Variants in CACNA1E observed in about 807,000 individuals in gnomAD.
CACNA1E encodes voltage-dependent R-type calcium channel subunit alpha-1E.
A neutral mutation model predicts 259.2 loss-of-function variants in CACNA1E; 40 were observed. The ratio of observed to expected loss-of-function variants is 0.15; its 90% CI spans 0.12 to 0.20. The LOEUF (loss-of-function observed/expected upper bound fraction) is 0.20, where lower values mean the gene tolerates loss of function less well. Among genes scored for constraint, CACNA1E ranks in the 10% least tolerant of loss-of-function variants. The probability of loss-of-function intolerance (pLI) is 1.00; values close to 1 mark genes in which losing one functional copy is unlikely to be tolerated. For synonymous variants in CACNA1E, 1,104 were observed against 1,138.5 expected (o/e 0.97, Z 0.61); for missense variants, 1,874 against 3,040.1 (o/e 0.62, Z 9.02).
intron 3 of CACNA1E, among the ~76,000 whole-genome samples, chr1:181,545,109 A>G (rs759136131): frequency 6.6e-6 from 1 of 152,142 alleles, no homozygotes; most frequent in African/African-American, 2.4e-5. Context: ...CCAAAAAAAA[A>G]AGTCTTGCTA....
At chr1:181,433,192 C>G (rs979903478) in intron 2 of CACNA1E, among the ~76,000 whole-genome samples, 1 of 152,324 alleles carries the variant, frequency 6.6e-6, no homozygotes, top group East Asian at 1.9e-4. Flanking sequence ...CTTGGCCTCT[C>G]TTTCCATCCC....
In CACNA1E at chr1:181,579,199, T is replaced by A; in HGVS notation, c.744T>A (p.His248Gln). The stretch of plus-strand genomic sequence containing the variant: ...TGGAGTTCTACAGTGGCAAGTTACA[T>A]CGAGCATGCTTCATGAACAATTCAG... ...IGLEFYSGKL[H>Q]RACFMNNSGI... is the part of the protein sequence containing the mutation. Residue 248 changes from histidine (H) to glutamine (Q), a missense_variant, in exon 5 of 48, where the codon CAT becomes CAA. This residue lies in a region of CACNA1E where 28 missense variants were observed against 64.6 expected (regional missense o/e 0.43). Coordinates refer to ENST00000367573, the MANE Select transcript of CACNA1E (RefSeq NM_001205293.3). 1 of 1,613,648 alleles carries A rather than the reference T, an allele frequency of 6.2e-7. No individual in the cohort carries two copies. Among genetic ancestry groups the A allele is most frequent in the South Asian group, 1.1e-5 (1 of 90,992 alleles).
chr1:181,373,698 C>A lies in CACNA1E; in HGVS notation c.-14-39435C>A, dbSNP rs139058998. Among the ~76,000 whole-genome samples, 656 of 152,082 alleles carry A rather than the reference C, an allele frequency of 4.3e-3. 5 individuals are homozygous for A. Among genetic ancestry groups the A allele is most frequent in the African/African-American group, 0.015 (621 of 41,526 alleles). ...GACTACAGGCGCCTGCCACTACGCC[C>A]GGCTAACTTTTTGTATTTTTAGTAG... On this transcript the variant is annotated intron_variant, in intron 1 of 11. Transcript: ENST00000524607.
At chr1:181,347,360 T>C (rs1359244038) in intron 1 of CACNA1E, among the ~76,000 whole-genome samples, 1 of 152,240 alleles carries the variant, frequency 6.6e-6, no homozygotes, top group Admixed American at 6.5e-5. Flanking sequence ...AGAATCAAAA[T>C]CTGTCTGCAT....
intron 1 of CACNA1E, among the ~76,000 whole-genome samples, chr1:181,398,898 A>G (rs1480339138): frequency 6.6e-6 from 1 of 152,224 alleles, no homozygotes; most frequent in Non-Finnish European, 1.5e-5. Context: ...TCAAAAGGCA[A>G]AAGGCAATGG....
At chr1:181,548,717 A>G (rs1237420192) in intron 3 of CACNA1E, among the ~76,000 whole-genome samples, 2 of 152,230 alleles carry the variant, frequency 1.3e-5, no homozygotes, top group Admixed American at 6.5e-5. Context: ...GACTAAGGCC[A>G]GGCTAGGAGG....
intron 6 of CACNA1E, among the ~76,000 whole-genome samples, chr1:181,628,555 T>C (rs971279119): frequency 2.0e-5 from 3 of 152,170 alleles, no homozygotes; most frequent in African/African-American, 7.2e-5. Context: ...CAGAGAAAAT[T>C]GGCTGCAGTT....
At chr1:181,603,428 A>G (rs1440625809) in intron 6 of CACNA1E, among the ~76,000 whole-genome samples, 1 of 152,084 alleles carries the variant, frequency 6.6e-6, no homozygotes, top group East Asian at 1.9e-4. Context: ...TAATACACTT[A>G]TGTGTTACAT....
intron 27 of CACNA1E, among the ~76,000 whole-genome samples, chr1:181,752,740 A>G (rs1657707184): frequency 6.6e-6 from 1 of 152,234 alleles, no homozygotes; most frequent in African/African-American, 2.4e-5. Context: ...AAGGACATGC[A>G]GTCCATTTTT....
intron 6 of CACNA1E, among the ~76,000 whole-genome samples, chr1:181,613,846 C>T (rs1654974031): frequency 6.6e-6 from 1 of 152,122 alleles, no homozygotes; most frequent in Non-Finnish European, 1.5e-5. Context: ...CTTTCCTCCT[C>T]GATGATGTTT....
At position 181,776,026 on chromosome 1, in the gene CACNA1E, C is replaced by T. The variant is rs1427295315; in HGVS notation, c.5140-75C>T. 1 of 1,439,646 alleles carries T rather than the reference C, an allele frequency of 6.9e-7. No individual in the cohort carries two copies. The highest frequency in any genetic ancestry group is 9.6e-7 in the Non-Finnish European group (1 of 1,044,544). 89.2% of individuals were successfully genotyped at this position (1,439,646 alleles called of 1,614,324 possible). On this transcript the variant is annotated intron_variant, in intron 37 of 47. Transcript: ENST00000367573. The surrounding 1 kb of genome is among the most constrained non-coding windows in gnomAD (Gnocchi z 4.4). Reference sequence around the variant, plus strand: ...TTGCTAAAACACCCTCCTCCATGCCCTGAAGCCTGTTCTTCTGCTTCCTGA... The same window carrying T: ...TTGCTAAAACACCCTCCTCCATGCCTTGAAGCCTGTTCTTCTGCTTCCTGA...
At position 181,373,727 on chromosome 1, in the gene CACNA1E, C is replaced by T. The variant is rs184381761; in HGVS notation, c.-14-39406C>T. Among the ~76,000 whole-genome samples the T allele has an allele frequency of 3.3e-3, 499 of 151,538 alleles. 2 individuals are homozygous for T. The highest frequency in any genetic ancestry group is 0.011 in the African/African-American group (472 of 41,346). The stretch of plus-strand genomic sequence containing the variant: ...TAACTTTTTGTATTTTTAGTAGAGA[C>T]GGGGTTTCACCGTGGTCTCGATCTC... On this transcript the variant is annotated intron_variant, in intron 1 of 11. Coordinates refer to the CACNA1E transcript ENST00000524607.
At chr1:181,631,132 T>TCGGCCTGGTGCCCAGGGTGGCCGAGCTGC (rs1299589326) in intron 6 of CACNA1E, among the ~76,000 whole-genome samples, 2 of 152,226 alleles carry the variant, frequency 1.3e-5, no homozygotes, top group Non-Finnish European at 2.9e-5. Flanking sequence ...GGGAGCTTTC[T>TCGGCCTGGTGCCCAGGGTGGCCGAGCTGC]CGGCCTGGTG....
intron 6 of CACNA1E, among the ~76,000 whole-genome samples, chr1:181,581,596 G>A (rs1651550369): frequency 6.6e-6 from 1 of 152,156 alleles, no homozygotes; most frequent in South Asian, 2.1e-4. Flanking sequence ...ACAGAAGGTA[G>A]GGTGATCATG....
intron 1 of CACNA1E, among the ~76,000 whole-genome samples, chr1:181,411,547 C>T (rs562972292): frequency 7.1e-4 from 108 of 152,282 alleles, no homozygotes; most frequent in African/African-American, 2.5e-3. Flanking sequence ...CTGTTTAACC[C>T]GGCTCCAGGG....
At chr1:181,353,997 C>T (rs1020737106) in intron 1 of CACNA1E, among the ~76,000 whole-genome samples, 3 of 152,218 alleles carry the variant, frequency 2.0e-5, no homozygotes, top group African/African-American at 4.8e-5. Flanking sequence ...AGTAAACAGC[C>T]ACTTCTCTGA....
intron 32 of CACNA1E, among the ~76,000 whole-genome samples, chr1:181,761,238 C>T (rs541620414): frequency 1.3e-5 from 2 of 152,262 alleles, no homozygotes; most frequent in Admixed American, 6.5e-5. Context: ...TGTTCATAAC[C>T]TTCTGAGTGG....
intron 25 of CACNA1E, among the ~76,000 whole-genome samples, chr1:181,748,665 A>G (rs1044479630): frequency 2.0e-5 from 3 of 152,236 alleles, no homozygotes; most frequent in African/African-American, 7.2e-5. Context: ...CTTAAGACAA[A>G]TGTAGCCTGG....
At chr1:181,736,215 A>G (rs1656015988) in intron 21 of CACNA1E, 60 bp from the exon 22 acceptor site, 1 of 1,527,568 alleles carries the variant, frequency 6.5e-7, no homozygotes, top group Non-Finnish European at 8.8e-7. Flanking sequence ...ACTAAACACA[A>G]ATGGTGCCAT....
Sources: allele counts gnomAD v4.1 joint callset (sites outside exome capture counted in the v4.1 genomes callset), GRCh38; gene constraint gnomAD v4.1.1; regional missense constraint gnomAD v4.1.1; non-coding constraint Gnocchi (gnomAD v3.1); transcripts MANE v1.5; gene names NCBI Gene and HGNC (gene_info 2026-07-23, HGNC 2026-07-21).